The following NEK7 variants were observed in gnomAD, a reference collection of about 807,000 sequenced individuals.
NEK7 encodes NIMA related kinase 7, also known as serine/threonine-protein kinase Nek7.
NEK7 carries 18 observed loss-of-function variants against 44.6 expected under a neutral mutation model. The ratio of observed to expected loss-of-function variants is 0.40; its 90% confidence interval spans 0.28 to 0.60. The LOEUF (loss-of-function observed/expected upper bound fraction) is 0.60. Among genes scored for constraint, NEK7 ranks in the 20% least tolerant of loss-of-function variants. The pLI is 0.38. For synonymous variants in NEK7, 130 were observed against 121.1 expected (o/e 1.07, Z -0.48); for missense variants, 256 against 366.5 (o/e 0.70, Z 2.46).
At chr1:198,205,978 T>C (rs1280735652) in intron 1 of NEK7, among the ~76,000 whole-genome samples, 2 of 152,128 alleles carry the variant, frequency 1.3e-5, no homozygotes, top group Non-Finnish European at 2.9e-5. Flanking sequence ...AGCAAAATTT[T>C]AAGGATTTAG....
chr1:198,272,481 C>A (rs1653885130), intron 5 of NEK7, among the ~76,000 whole-genome samples: 1 of 151,720 alleles, frequency 6.6e-6, no homozygotes, highest in South Asian at 2.1e-4. Flanking sequence ...TTTCTTTGTT[C>A]ATTATGAAAA....
chr1:198,220,429 T>C (rs958275756), intron 1 of NEK7, among the ~76,000 whole-genome samples: 9 of 152,234 alleles, frequency 5.9e-5, no homozygotes, highest in Non-Finnish European at 1.3e-4. Context: ...TGTGTTTAAC[T>C]ATAAATGTTG....
chr1:198,220,272 A>G (rs1436545270), intron 1 of NEK7, among the ~76,000 whole-genome samples: 1 of 151,936 alleles, frequency 6.6e-6, no homozygotes, highest in Non-Finnish European at 1.5e-5. Flanking sequence ...TTTGAATACT[A>G]CCTTGTCTTT....
intron 8 of NEK7, among the ~76,000 whole-genome samples, chr1:198,294,610 T>C (rs537912033): frequency 1.3e-5 from 2 of 152,238 alleles, no homozygotes; most frequent in African/African-American, 4.8e-5. Context: ...TTCTTTTAGA[T>C]TTAGCATACT....
intron 1 of NEK7, among the ~76,000 whole-genome samples, chr1:198,189,236 G>A (rs1444639054): frequency 6.6e-6 from 1 of 152,032 alleles, no homozygotes; most frequent in African/African-American, 2.4e-5. Context: ...CTATTTGAAA[G>A]GATTTTTTAA....
chr1:198,311,245 T>C (rs1021371631), intron 9 of NEK7, among the ~76,000 whole-genome samples: 9 of 146,998 alleles, frequency 6.1e-5, no homozygotes, highest in Non-Finnish European at 1.0e-4. Context: ...TGTTTGTCTG[T>C]TGTTGGTGTA....
In NEK7 at chr1:198,210,741, C is replaced by CTTTTTTTTTTTTTT. The variant is rs140181207; in HGVS notation, c.-28-21796_-28-21783dup. On this transcript the variant is annotated intron_variant, in intron 1 of 9. Transcript: ENST00000367385. ...GTCATTGTCCCTTCAATTTGTATTT[C>CTTTTTTTTTTTTTT]TTTTTTTTTTTTTTTTTTTTTTTTT... Among the ~76,000 whole-genome samples, 13 of 57,536 alleles carry CTTTTTTTTTTTTTT rather than the reference C, an allele frequency of 2.3e-4. 3 individuals are homozygous for CTTTTTTTTTTTTTT. The highest frequency in any genetic ancestry group is 6.2e-4 in the East Asian group (1 of 1,624). The allele number at this position is 57,536 out of a possible 152,430, so 37.7% of individuals were successfully genotyped here. A position where few individuals can be genotyped will look rare whatever the true frequency, so the allele number is the denominator to read the frequency against.
At chr1:198,278,377 C>A (rs1654087081) in intron 6 of NEK7, among the ~76,000 whole-genome samples, 1 of 151,334 alleles carries the variant, frequency 6.6e-6, no homozygotes, top group South Asian at 2.1e-4. Context: ...TATATCATAA[C>A]CACTTAGATT....
chr1:198,174,652 T>G (rs954103209), intron 1 of NEK7, among the ~76,000 whole-genome samples: 4 of 152,238 alleles, frequency 2.6e-5, no homozygotes, highest in Non-Finnish European at 4.4e-5. Flanking sequence ...AGTCAGTCAT[T>G]GCTTTACCAC....
intron 1 of NEK7, among the ~76,000 whole-genome samples, chr1:198,185,151 T>G (rs1664879611): frequency 6.6e-6 from 1 of 151,538 alleles, no homozygotes; most frequent in Non-Finnish European, 1.5e-5. Context: ...TGCTTTTCCT[T>G]TCTGAGGCAC....
chr1:198,238,267 T>C (rs757730529), intron 2 of NEK7, among the ~76,000 whole-genome samples: 1 of 152,030 alleles, frequency 6.6e-6, no homozygotes, highest in Non-Finnish European at 1.5e-5. Flanking sequence ...CCCACATACA[T>C]AGGATCAGGA....
intron 1 of NEK7, among the ~76,000 whole-genome samples, chr1:198,170,702 TTGATGGTTTGAATACCATGCTAAAA>T (rs1664410664): frequency 6.6e-6 from 1 of 152,224 alleles, no homozygotes; most frequent in South Asian, 2.1e-4. Context: ...TAATTGTGAA[TTGATGGTTTGAATACCATGCTAAAA>T]TGATTGAACC....
chr1:198,213,196 A>G (rs889389715), intron 1 of NEK7, among the ~76,000 whole-genome samples: 3 of 152,196 alleles, frequency 2.0e-5, no homozygotes, highest in African/African-American at 7.2e-5. Context: ...TCTGGCCTTT[A>G]GGGACTGTTA....
chr1:198,272,175 G>A lies in NEK7; in HGVS notation c.373-5786G>A, dbSNP rs117457872. Among the ~76,000 whole-genome samples the A allele has an allele frequency of 9.9e-5, 15 of 151,716 alleles. No individual in the cohort carries two copies. In the East Asian group the frequency reaches 1.4e-3, roughly 14 times the overall value. ...TTTAGGAAATTGAACACTTTATACC[G>A]TGAAATGACCATTATTTAATTCTGT... On this transcript the variant is annotated intron_variant, in intron 5 of 9. Coordinates refer to ENST00000367385, the MANE Select transcript of NEK7 (RefSeq NM_133494.3).
intron 1 of NEK7, among the ~76,000 whole-genome samples, chr1:198,158,561 T>C (rs1474942758): frequency 6.6e-6 from 1 of 152,224 alleles, no homozygotes; most frequent in African/African-American, 2.4e-5. Flanking sequence ...GGTCGAAGAA[T>C]GGCATAGTCC....
intron 9 of NEK7, among the ~76,000 whole-genome samples, chr1:198,314,007 G>C (rs1001972801): frequency 6.6e-6 from 1 of 151,350 alleles, no homozygotes; most frequent in Non-Finnish European, 1.5e-5. Flanking sequence ...AAGTTCTCCC[G>C]GATAATATCC....
intron 2 of NEK7, among the ~76,000 whole-genome samples, chr1:198,234,754 G>A (rs923390519): frequency 6.6e-6 from 1 of 152,130 alleles, no homozygotes; most frequent in Admixed American, 6.5e-5. Flanking sequence ...CTCCTGTGTG[G>A]GTGGACTTCT....
At chr1:198,185,205 T>C (rs2102753654) in intron 1 of NEK7, among the ~76,000 whole-genome samples, 1 of 149,510 alleles carries the variant, frequency 6.7e-6, no homozygotes, top group South Asian at 2.1e-4. Flanking sequence ...TTTTTTTTTT[T>C]TTTTTTTTGG....
chr1:198,253,219 T>C (rs768608158), intron 3 of NEK7, 39 bp downstream of exon 3: 1 of 1,373,430 alleles, frequency 7.3e-7, no homozygotes, highest in Non-Finnish European at 1.0e-6. Flanking sequence ...TGTAAAATTA[T>C]ACTATGTGAA....
Sources: gnomAD v4.1 joint callset for allele counts (sites outside exome capture counted in the v4.1 genomes callset) on GRCh38, gnomAD v4.1.1 for gene constraint, MANE v1.5 for transcripts, NCBI Gene and HGNC (gene_info 2026-07-23, HGNC 2026-07-21) for gene names.